Variants in TJP1 observed in about 807,000 individuals in gnomAD.
The protein encoded by TJP1 is tight junction protein ZO-1.
Under a neutral mutation model 194.2 loss-of-function variants are expected in TJP1, and 43 were observed. The observed-to-expected ratio is 0.22, with a 90% CI of 0.17 to 0.29. TJP1 has a LOEUF of 0.29. Ranked by LOEUF, TJP1 falls within the 10% of genes least tolerant of loss-of-function variation. The pLI, the probability that TJP1 is intolerant of heterozygous loss-of-function variation, is 1.00. For synonymous variants in TJP1, 801 were observed against 779.0 expected, an observed-to-expected ratio of 1.03 and a Z score of -0.47; for missense variants, 1,971 against 2,185.7, an observed-to-expected ratio of 0.90 and a Z score of 1.96.
chr15:29,767,629 C>T (rs970820951), intron 4 of TJP1, among the ~76,000 whole-genome samples: 18 of 152,200 alleles, frequency 1.2e-4, no homozygotes, highest in African/African-American at 4.3e-4. Flanking sequence ...GTTCAGCAAT[C>T]CTTTCATCTA....
At chr15:29,758,430 AG>A (rs960776637) in intron 8 of TJP1, among the ~76,000 whole-genome samples, 1 of 152,164 alleles carries the variant, frequency 6.6e-6, no homozygotes, top group Non-Finnish European at 1.5e-5. Context: ...TAGTAATTTT[AG>A]GGGGGAAAAA....
intron 2 of TJP1, among the ~76,000 whole-genome samples, chr15:29,777,472 A>T (rs894019635): frequency 6.6e-6 from 1 of 152,230 alleles, no homozygotes; most frequent in East Asian, 1.9e-4. Flanking sequence ...CTACTTAAAC[A>T]TGAAGGGAGA....
At chr15:29,748,475 C>A (rs1043646182) in intron 8 of TJP1, among the ~76,000 whole-genome samples, 12 of 149,772 alleles carry the variant, frequency 8.0e-5, no homozygotes, top group African/African-American at 2.2e-4. Flanking sequence ...TGAATTTACA[C>A]ATGAAATTAG....
At chr15:29,968,084 GT>G in intron 1 of TJP1, 11 of 985,388 alleles carry the variant, frequency 1.1e-5, no homozygotes, top group Non-Finnish European at 1.2e-5. Context: ...CTTTAAGGAT[GT>G]TTTTTCCTCA....
At chr15:29,847,300 G>C (rs2051450700) in intron 2 of TJP1, among the ~76,000 whole-genome samples, 1 of 151,826 alleles carries the variant, frequency 6.6e-6, no homozygotes, top group South Asian at 2.1e-4. Flanking sequence ...GACGAGTTTT[G>C]CATGATGCCC....
intron 2 of TJP1, among the ~76,000 whole-genome samples, chr15:29,914,627 C>T (rs1718976): frequency 6.6e-6 from 1 of 152,102 alleles, no homozygotes; most frequent in East Asian, 1.9e-4. Context: ...AGGGAGGCTC[C>T]AGGGAACATA....
chr15:29,790,249 C>T (rs1051193728), intron 2 of TJP1, among the ~76,000 whole-genome samples: 4 of 152,242 alleles, frequency 2.6e-5, no homozygotes, highest in African/African-American at 7.2e-5. Flanking sequence ...AAATTTTATT[C>T]GGCATCATCT....
intron 2 of TJP1, among the ~76,000 whole-genome samples, chr15:29,944,194 G>T (rs1002277289): frequency 6.6e-6 from 1 of 151,876 alleles, no homozygotes; most frequent in Non-Finnish European, 1.5e-5. Flanking sequence ...CCGGGTTCAT[G>T]CCACTCTCCT....
intron 1 of TJP1, among the ~76,000 whole-genome samples, chr15:29,802,191 A>G (rs1033478392): frequency 1.1e-4 from 17 of 152,224 alleles, no homozygotes; most frequent in Admixed American, 4.6e-4. Flanking sequence ...AAGGCTAAGC[A>G]TGACACTCTC....
At chr15:29,821,009 G>A (rs2050296809) in intron 1 of TJP1, among the ~76,000 whole-genome samples, 1 of 152,126 alleles carries the variant, frequency 6.6e-6, no homozygotes, top group African/African-American at 2.4e-5. Context: ...ACCACTACCT[G>A]CCCAAGTATC....
Position 29,719,851 on chromosome 15 carries a change from G to C in TJP1, c.2929C>G (p.Pro977Ala). ...YSPQADSLRT[P>A]STEAAHIMLR... ...ATTATGTGAGCTGCCTCAGTACTTG[G>C]TGTTCTTAAAGAATCAGCTTGTGGT... is the stretch of plus-strand genomic sequence containing the variant. Residue 977 changes from proline (P) to alanine (A), a missense_variant, in exon 20 of 28, where the codon CCA (proline) becomes GCA (alanine). Physicochemically the swap from Pro to Ala is conservative, Grantham distance 27 (BLOSUM62 -1). Coordinates refer to ENST00000614355, the MANE Select transcript of TJP1 (RefSeq NM_001330239.4). 6.2e-7 allele frequency: 1 copy of C among 1,614,168 alleles called. No individual in the cohort carries two copies. Among genetic ancestry groups the C allele is most frequent in the Non-Finnish European group, 8.5e-7 (1 of 1,180,020 alleles).
At chr15:29,742,064 CA>C (rs770082850) in intron 9 of TJP1, among the ~76,000 whole-genome samples, 1 of 151,790 alleles carries the variant, frequency 6.6e-6, no homozygotes, top group Non-Finnish European at 1.5e-5. Flanking sequence ...CTCTCCAAAA[CA>C]ACAACAAAAA....
chr15:29,801,697 C>T (rs6495922), intron 1 of TJP1, among the ~76,000 whole-genome samples: 1 of 151,450 alleles, frequency 6.6e-6, no homozygotes, highest in African/African-American at 2.4e-5. Context: ...TCCTGACCTC[C>T]TGATCCGCCC....
At chr15:29,957,975 G>A (rs1345378489) in intron 1 of TJP1, among the ~76,000 whole-genome samples, 1 of 152,058 alleles carries the variant, frequency 6.6e-6, no homozygotes, top group African/African-American at 2.4e-5. Flanking sequence ...ATTTTTGTCT[G>A]TTGAACTGCT....
chr15:29,966,535 T>A (rs1464314419), intron 1 of TJP1, among the ~76,000 whole-genome samples: 3 of 151,738 alleles, frequency 2.0e-5, no homozygotes, highest in African/African-American at 7.3e-5. Flanking sequence ...TAATAAATAA[T>A]TTTAAACTGA....
intron 1 of TJP1, among the ~76,000 whole-genome samples, chr15:29,807,879 G>T (rs550803641): frequency 6.6e-6 from 1 of 152,248 alleles, no homozygotes; most frequent in South Asian, 2.1e-4. Flanking sequence ...TTTCAGAGTT[G>T]TATATTTTAA....
At position 29,737,424 on chromosome 15, in the gene TJP1, CAG is replaced by C. The variant is rs2044107174; in HGVS notation, c.1257-12_1257-11del. On this transcript the variant is annotated splice_polypyrimidine_tract_variant and intron_variant, in intron 10 of 27. Coordinates refer to ENST00000614355, the MANE Select transcript of TJP1 (RefSeq NM_001330239.4). ...CAATTTCATGCTGGGCCTGTTAAAA[CAG>C]ATATTTCATTTGAAACAGTTAAGAA... The C allele has an allele frequency of 6.2e-7, 1 of 1,614,056 alleles. No individual in the cohort carries two copies. The highest frequency in any genetic ancestry group is 8.5e-7 in the Non-Finnish European group (1 of 1,179,990).
chr15:29,846,654 G>C (rs565527607), intron 2 of TJP1, among the ~76,000 whole-genome samples: 55 of 152,218 alleles, frequency 3.6e-4, no homozygotes, highest in African/African-American at 1.3e-3. Context: ...GGCCTGATGC[G>C]GTGGCTCACG....
intron 4 of TJP1, 98 bp downstream of exon 4, chr15:29,771,966 C>T: frequency 1.4e-6 from 1 of 734,064 alleles, no homozygotes; most frequent in Non-Finnish European, 2.2e-6. Flanking sequence ...ACTATTGTTT[C>T]AGTTTTCCTT....
Sources: gnomAD v4.1 joint callset for allele counts (sites outside exome capture counted in the v4.1 genomes callset) on GRCh38, gnomAD v4.1.1 for gene constraint, MANE v1.5 for transcripts, NCBI Gene and HGNC (gene_info 2026-07-23, HGNC 2026-07-21) for gene names.